Variants in ZNF318 observed in about 807,000 individuals in gnomAD.
ZNF318 encodes the protein zinc finger protein 318, also known as endocrine regulator.
ZNF318 carries 51 observed loss-of-function variants against 124.2 expected under a neutral mutation model. That is an observed-to-expected ratio of 0.41 (90% CI 0.33 to 0.52). The LOEUF is 0.52. ZNF318 is among the 20% of genes least tolerant of loss of function. The pLI is 0.23. For synonymous variants in ZNF318, 1,090 were observed against 1,040.7 expected (o/e 1.05, Z -0.91); for missense variants, 2,815 against 2,811.2 (o/e 1.00, Z -0.03).
intron 6 of ZNF318, among the ~76,000 whole-genome samples, chr6:43,344,884 C>A (rs969834159): frequency 2.0e-5 from 3 of 151,070 alleles, no homozygotes; most frequent in Admixed American, 6.6e-5. Context: ...TATAATAATA[C>A]CTTGGTGTAT....
chr6:43,369,484 C>T lies in ZNF318; in HGVS notation c.-119G>A. On this transcript the variant is annotated 5_prime_UTR_variant, in exon 1 of 10. Transcript: ENST00000361428. ...CCTCGGCCGCTGCGCGCCGCCTCAG[C>T]CGCGGGAGCAGCCCCCTCCCCTCGG... 1.2e-6 allele frequency: 1 copy of T among 832,210 alleles called. No individual in the cohort carries two copies. Among genetic ancestry groups the T allele is most frequent in the Non-Finnish European group, 1.5e-6 (1 of 667,762 alleles). 51.6% of individuals were successfully genotyped at this position (832,210 alleles called of 1,614,324 possible).
chr6:43,369,405 G>A lies in ZNF318; in HGVS notation c.-40C>T, dbSNP rs1260898939. The stretch of plus-strand genomic sequence containing the variant: ...CGGCCACGGCGACAGCTCTGACCCG[G>A]GGGCGCCCTAGACGCAGGCTCGGAG... On this transcript the variant is annotated 5_prime_UTR_variant, in exon 1 of 10. Transcript: ENST00000361428. 6.8e-6 allele frequency: 8 copies of A among 1,184,444 alleles called. No homozygotes were observed. Among genetic ancestry groups the A allele is most frequent in the Non-Finnish European group, 6.3e-6 (6 of 957,224 alleles). The allele number at this position is 1,184,444 out of a possible 1,614,324, so 73.4% of individuals were successfully genotyped here.
intron 8 of ZNF318, among the ~76,000 whole-genome samples, chr6:43,341,553 G>A (rs1779373583): frequency 6.6e-6 from 1 of 151,824 alleles, no homozygotes; most frequent in Non-Finnish European, 1.5e-5. Flanking sequence ...GGGAGGCTGA[G>A]GCAGGAGAAT....
intron 3 of ZNF318, 77 bp from the exon 4 acceptor site, chr6:43,356,222 CT>C: frequency 4.1e-6 from 6 of 1,462,288 alleles, no homozygotes; most frequent in Non-Finnish European, 5.5e-6. Context: ...TACTTAAATA[CT>C]TTGGTCTTCC....
intron 2 of ZNF318, among the ~76,000 whole-genome samples, chr6:43,361,623 C>T (rs545885441): frequency 1.3e-5 from 2 of 152,226 alleles, no homozygotes; most frequent in East Asian, 1.9e-4. Flanking sequence ...ATTAAATGTG[C>T]AAATTACTTT....
chr6:43,358,417 T>TTTC (rs1286801904), intron 2 of ZNF318, among the ~76,000 whole-genome samples: 1 of 149,862 alleles, frequency 6.7e-6, no homozygotes, highest in Non-Finnish European at 1.5e-5. Context: ...CCGGCTAATT[T>TTTC]TTTTTTTTTT....
intron 2 of ZNF318, among the ~76,000 whole-genome samples, chr6:43,361,885 G>A (rs150645959): frequency 1.3e-5 from 2 of 152,308 alleles, no homozygotes; most frequent in South Asian, 2.1e-4. Context: ...GCCAGGCATG[G>A]TGGCTCATGC....
At chr6:43,357,885 C>T (rs1779631500) in intron 2 of ZNF318, 120 bp from the exon 3 acceptor site, 1 of 886,408 alleles carries the variant, frequency 1.1e-6, no homozygotes, top group Non-Finnish European at 1.7e-6. Context: ...AGACTATAAT[C>T]ATGAAGTCCA....
In ZNF318 at chr6:43,336,997, A is replaced by G. The variant is rs1398431980; in HGVS notation, c.*161T>C. On this transcript the variant is annotated 3_prime_UTR_variant, in exon 10 of 10. Transcript: ENST00000361428. ...GTTTTAAGGGGAAAGGGAAAAGGAA[A>G]GGAGGTAAATTTTTTAGCTTCCATG... 5 of 508,744 alleles carry G rather than the reference A, an allele frequency of 9.8e-6. No individual in the cohort carries two copies. Among genetic ancestry groups the G allele is most frequent in the African/African-American group, 3.9e-5 (2 of 50,982 alleles). The allele number at this position is 508,744 out of a possible 1,614,324, so 31.5% of individuals were successfully genotyped here.
intron 1 of ZNF318, among the ~76,000 whole-genome samples, chr6:43,366,470 C>T (rs1319578672): frequency 6.6e-6 from 1 of 152,148 alleles, no homozygotes; most frequent in African/African-American, 2.4e-5. Context: ...AAATCACCTT[C>T]CCAGGAGGCC....
Position 43,348,641 on chromosome 6 carries a change from T to C in ZNF318, c.2771-16A>G, listed in dbSNP as rs1779482891. 6.2e-7 allele frequency: 1 copy of C among 1,605,376 alleles called. No homozygotes were observed. The highest frequency in any genetic ancestry group is 1.1e-5 in the South Asian group (1 of 90,408). ...AGCATTTCTCCTGAGCAATCAAATG[T>C]CAACAAAAAGAAGCACAGGGAAAAT... On this transcript the variant is annotated splice_polypyrimidine_tract_variant and intron_variant, in intron 5 of 9. Transcript: ENST00000361428.
chr6:43,336,951 G>T lies in ZNF318; in HGVS notation c.*207C>A. 1 of 338,740 alleles carries T rather than the reference G, an allele frequency of 3.0e-6. No homozygotes were observed. Among genetic ancestry groups the T allele is most frequent in the Admixed American group, 4.4e-5 (1 of 22,844 alleles). 21.0% of individuals were successfully genotyped at this position (338,740 alleles called of 1,614,324 possible). A position where few individuals can be genotyped will look rare whatever the true frequency, so the allele number is the denominator to read the frequency against. On this transcript the variant is annotated 3_prime_UTR_variant, in exon 10 of 10. Transcript: ENST00000361428. ...TACAGATATATATATATATATATAA[G>T]TTGTTATCGATTTGTCTGGTGTTTT... is the stretch of plus-strand genomic sequence containing the variant.
rs554985954 is a variant in ZNF318 at position 43,369,360 on chromosome 6, G to A, written c.6C>T (p.Tyr2=). 1.9e-4 allele frequency: 239 copies of A among 1,290,862 alleles called. No individual in the cohort carries two copies. In the East Asian group the frequency reaches 7.2e-3, roughly 39 times the overall value. The allele number at this position is 1,290,862 out of a possible 1,614,324, so 80.0% of individuals were successfully genotyped here. A position where few individuals can be genotyped will look rare whatever the true frequency, so the allele number is the denominator to read the frequency against. Residue 2 remains tyrosine (Y), a synonymous_variant, in exon 1 of 10, where the codon TAC becomes TAT. Coordinates refer to ENST00000361428, the MANE Select transcript of ZNF318 (RefSeq NM_014345.3). M[Y]RSSARSSVSS... ...AGACGGAGGAGCGAGCGCTGCTGCG[G>A]TACATGGTTCTTGCAGCGGCGGCCA...
chr6:43,338,178 G>C lies in ZNF318; in HGVS notation c.5820C>G (p.Leu1940=). The change falls in exon 10 of 10, where the codon CTC becomes CTG. Residue 1940 remains leucine, a synonymous_variant. Coordinates refer to ENST00000361428, the MANE Select transcript of ZNF318 (RefSeq NM_014345.3). The part of the protein sequence containing the change: ...SRTSRYRSLK[L]KRERSKDFQV... ...GAAAGTCTTTTGATCTTTCTCTCTTGAGTTTGAGACTTCTGTACCTAGAAG... is the reference window on the plus strand; with the variant it reads ...GAAAGTCTTTTGATCTTTCTCTCTTCAGTTTGAGACTTCTGTACCTAGAAG... 1 of 1,613,996 alleles carries C rather than the reference G, an allele frequency of 6.2e-7. No homozygotes were observed. Among genetic ancestry groups the C allele is most frequent in the Non-Finnish European group, 8.5e-7 (1 of 1,180,010 alleles).
At chr6:43,363,072 AAAG>A (rs1312333273) in intron 2 of ZNF318, among the ~76,000 whole-genome samples, 2 of 152,244 alleles carry the variant, frequency 1.3e-5, no homozygotes, top group African/African-American at 4.8e-5. Flanking sequence ...ATGATTCTAC[AAAG>A]AAGACTGCTG....
rs769241166 is a variant in ZNF318 at position 43,355,236 on chromosome 6, CAGG to C, written c.2095_2097del (p.Pro699del). 7 of 1,614,058 alleles carry C rather than the reference CAGG, an allele frequency of 4.3e-6. No individual in the cohort carries two copies. The highest frequency in any genetic ancestry group is 2.7e-5 in the African/African-American group (2 of 74,928). ...TTTTTTGTGAGCAGGTAAGGATCCA[CAGG>C]AGAAGGTGGGTGTGGATGGGACACC... On this transcript the variant is annotated inframe_deletion, in exon 4 of 10. Transcript: ENST00000361428.
chr6:43,339,102 A>G lies in ZNF318; in HGVS notation c.4896T>C (p.Gly1632=). The change falls in exon 10 of 10, where the codon GGT becomes GGC. Residue 1632 remains glycine (G), a synonymous_variant. Transcript: ENST00000361428. The surrounding 1 kb of genome is among the most constrained non-coding windows in gnomAD (Gnocchi z 4.2). Reference sequence around the variant, plus strand: ...TGCTAACTATAGGAGCAGCGACCAAACCCTCATCTTGATGCAACTCCTCTT... The same window carrying G: ...TGCTAACTATAGGAGCAGCGACCAAGCCCTCATCTTGATGCAACTCCTCTT... ...ASQEELHQDE[G]LVAAPIVSNS... 1 of 1,614,110 alleles carries G rather than the reference A, an allele frequency of 6.2e-7. No homozygotes were observed. Among genetic ancestry groups the G allele is most frequent in the Non-Finnish European group, 8.5e-7 (1 of 1,180,032 alleles).
At chr6:43,363,791 C>T (rs540461962) in intron 2 of ZNF318, 24 of 749,082 alleles carry the variant, frequency 3.2e-5, no homozygotes, top group African/African-American at 1.5e-4. Flanking sequence ...AGGTTCAAGG[C>T]GTTTGTTGCC....
rs764308088 is a variant in ZNF318 at position 43,337,763 on chromosome 6, A to G, written c.6235T>C (p.Leu2079=). The change falls in exon 10 of 10, where the codon TTG becomes CTG. Residue 2079 remains leucine (L), a synonymous_variant. Transcript: ENST00000361428. ...CCCTCTGTCTCAAAGTCAAGCACCA[A>G]GGTTTTGGGAGAATCTAACGGAAAC... The part of the protein sequence containing the change: ...SGFPLDSPKT[L]VLDFETEGER... 24 of 1,614,164 alleles carry G rather than the reference A, an allele frequency of 1.5e-5. No individual in the cohort carries two copies. The highest frequency in any genetic ancestry group is 1.9e-5 in the Non-Finnish European group (23 of 1,180,028).
Sources: gnomAD v4.1 joint callset for allele counts (sites outside exome capture counted in the v4.1 genomes callset) on GRCh38, gnomAD v4.1.1 for gene constraint, Gnocchi (gnomAD v3.1) non-coding constraint, MANE v1.5 for transcripts, NCBI Gene and HGNC (gene_info 2026-07-23, HGNC 2026-07-21) for gene names.